Variants in CTCFL observed in about 807,000 individuals in gnomAD.
CTCFL encodes the protein CCCTC-binding factor like.
In CTCFL, 36 loss-of-function variants were observed where a neutral mutation model predicts 67.4. The observed-to-expected ratio is 0.53, with a 90% CI of 0.41 to 0.71. The LOEUF is 0.71. Ranked by LOEUF, CTCFL falls within the 30% of genes least tolerant of loss-of-function variation. CTCFL has a pLI of 0.00. For missense variants in CTCFL, 786 were observed against 835.2 expected, an observed-to-expected ratio of 0.94 and a Z score of 0.73; for synonymous variants, 324 against 302.3, an observed-to-expected ratio of 1.07 and a Z score of -0.75.
chr20:57,522,633 G>A (rs1030553537), intron 3 of CTCFL, among the ~76,000 whole-genome samples: 3 of 152,086 alleles, frequency 2.0e-5, no homozygotes, highest in Admixed American at 2.0e-4. Context: ...CATCTTAGTG[G>A]CTTCTTTGTC....
At position 57,508,939 on chromosome 20, in the gene CTCFL, G is replaced by A. The variant is rs553400354; in HGVS notation, c.1492-151C>T. On this transcript the variant is annotated intron_variant, in intron 8 of 10. Transcript: ENST00000243914. The stretch of plus-strand genomic sequence containing the variant: ...CTGCAAACACATTCTGAACAAGGCA[G>A]CATTCACTCTCAGTAAGTGGCCGCC... 8.8e-5 allele frequency: 65 copies of A among 739,862 alleles called. No homozygotes were observed. In the African/African-American group the frequency reaches 1.1e-3, roughly 13 times the overall value. The allele number at this position is 739,862 out of a possible 1,614,324, so 45.8% of individuals were successfully genotyped here. A position where few individuals can be genotyped will look rare whatever the true frequency, so the allele number is the denominator to read the frequency against.
chr20:57,518,606 A>G, intron 5 of CTCFL, 152 bp downstream of exon 5: 1 of 1,521,648 alleles, frequency 6.6e-7, no homozygotes, highest in Non-Finnish European at 8.9e-7. Flanking sequence ...TTAACTTCAT[A>G]AAAGAGAATG....
intron 8 of CTCFL, among the ~76,000 whole-genome samples, chr20:57,510,428 C>T (rs1327926594): frequency 2.0e-5 from 3 of 152,250 alleles, no homozygotes; most frequent in Middle Eastern, 3.4e-3. Context: ...ACAAAAATAA[C>T]CTAATGTCTG....
chr20:57,519,118 A>T, intron 4 of CTCFL, 89 bp downstream of exon 4: 1 of 1,373,702 alleles, frequency 7.3e-7, no homozygotes, highest in Non-Finnish European at 1.0e-6. Context: ...ATGTTACACG[A>T]TTCTACTGTA....
In CTCFL at chr20:57,516,000, C is replaced by A. The variant is rs527331704; in HGVS notation, c.1060-166G>T. Among the ~76,000 whole-genome samples the A allele has an allele frequency of 6.6e-5, 10 of 152,248 alleles. No homozygotes were observed. The East Asian group carries it at 1.9e-3, about 29-fold the overall frequency. On this transcript the variant is annotated intron_variant, in intron 5 of 10. Coordinates refer to ENST00000243914, the MANE Select transcript of CTCFL (RefSeq NM_001386993.1). The stretch of plus-strand genomic sequence containing the variant: ...ACATGAAAAAGTCATCACTTTTGAT[C>A]ATCTGTTATGGGTGATTTTATCTCA...
intron 6 of CTCFL, 72 bp from the exon 7 acceptor site, chr20:57,514,813 G>GTTTT: frequency 8.3e-7 from 1 of 1,201,388 alleles, no homozygotes; most frequent in Non-Finnish European, 1.1e-6. Flanking sequence ...TGCTGAAAGT[G>GTTTT]TTTTTTTTTT....
At chr20:57,513,776 G>A in intron 7 of CTCFL, 1 of 1,255,264 alleles carries the variant, frequency 8.0e-7, no homozygotes, top group Non-Finnish European at 1.0e-6. Context: ...GGGCAAAAGG[G>A]TCAAATTTTT....
chr20:57,513,202 T>C, intron 7 of CTCFL: 3 of 968,992 alleles, frequency 3.1e-6, no homozygotes, highest in Non-Finnish European at 3.7e-6. Context: ...GTTAAGGTGG[T>C]TTTATATAAA....
At position 57,524,118 on chromosome 20, in the gene CTCFL, C is replaced by T. The variant is rs754165693; in HGVS notation, c.88G>A (p.Glu30Lys). Residue 30 changes from glutamate (E) to lysine (K), a missense_variant, in exon 2 of 11, where the codon GAG becomes AAG. Physicochemically the swap from Glu to Lys is moderately conservative, Grantham distance 56. Coordinates refer to ENST00000243914, the MANE Select transcript of CTCFL (RefSeq NM_001386993.1). Reference protein sequence around the residue: ...ELMPEKGLKEEEKDGVCREKD... With the variant: ...ELMPEKGLKEKEKDGVCREKD... ...TCTCTGCACACTCCGTCTTTTTCCT[C>T]CTCCTTCAGGCCTTTTTCCGGCATC... 7.1e-5 allele frequency: 114 copies of T among 1,613,590 alleles called. No individual in the cohort carries two copies. The highest frequency in any genetic ancestry group is 8.3e-5 in the Non-Finnish European group (98 of 1,179,990).
rs2146347684 is a variant in CTCFL at position 57,510,972 on chromosome 20, A to G, written c.1491+1620T>C. On this transcript the variant is annotated intron_variant, in intron 8 of 10. Transcript: ENST00000243914. ...TGGTCTCACAGACATGTAGTTTGAA[A>G]AGAGAGCAACATTTTACTAGCTCTT... is the stretch of plus-strand genomic sequence containing the variant. Among the ~76,000 whole-genome samples the G allele has an allele frequency of 1.3e-5, 2 of 152,360 alleles. 1 individual carries two copies. Among genetic ancestry groups the G allele is most frequent in the South Asian group, 4.1e-4 (2 of 4,826 alleles).
At chr20:57,513,617 C>T in intron 7 of CTCFL, 1 of 1,159,778 alleles carries the variant, frequency 8.6e-7, no homozygotes, top group East Asian at 6.6e-5. Flanking sequence ...CCACCAAGCC[C>T]CACTGGACTG....
Position 57,516,931 on chromosome 20 carries a change from C to T in CTCFL, c.1060-1097G>A, listed in dbSNP as rs902374129. Among the ~76,000 whole-genome samples, 4 of 152,306 alleles carry T rather than the reference C, an allele frequency of 2.6e-5. 1 individual carries two copies. Among genetic ancestry groups the T allele is most frequent in the South Asian group, 4.1e-4 (2 of 4,828 alleles). On this transcript the variant is annotated intron_variant, in intron 5 of 10. Coordinates refer to ENST00000243914, the MANE Select transcript of CTCFL (RefSeq NM_001386993.1). ...GCAGGAAATGGGGGCATCAGCTACA[C>T]GTGGACTACAGACATCAGGAAGCTG...
At chr20:57,496,501 TTAGG>T (rs2067725904), downstream of CTCFL, 3 of 433,860 alleles carry the variant, frequency 6.9e-6, no homozygotes, top group Non-Finnish European at 1.2e-5. Context: ...AGTGGAATGA[TTAGG>T]TAGATTCACA....
chr20:57,499,345 C>T (rs975182621), intron 10 of CTCFL, among the ~76,000 whole-genome samples: 1 of 152,138 alleles, frequency 6.6e-6, no homozygotes, highest in African/African-American at 2.4e-5. Flanking sequence ...CTGGGGCCAG[C>T]GCCAGGCGTG....
At chr20:57,502,489 C>T (rs1185168824) in intron 10 of CTCFL, among the ~76,000 whole-genome samples, 1 of 152,106 alleles carries the variant, frequency 6.6e-6, no homozygotes, top group African/African-American at 2.4e-5. Flanking sequence ...AGGTGGAGGG[C>T]GACCGTCATC....
In CTCFL at chr20:57,521,353, A is replaced by G. The variant is rs140180833; in HGVS notation, c.754+1715T>C. Among the ~76,000 whole-genome samples, 1,467 of 152,340 alleles carry G rather than the reference A, an allele frequency of 9.6e-3. 98 individuals carry two copies. Among genetic ancestry groups the G allele is most frequent in the Admixed American group, 0.086 (1,323 of 15,296 alleles). On this transcript the variant is annotated intron_variant, in intron 3 of 10. Transcript: ENST00000243914. Reference sequence around the variant, plus strand: ...CATTAGAGAAATGGAAACCAAAACTACAACGAGATACCTCTTCACACCTGC... The same window carrying G: ...CATTAGAGAAATGGAAACCAAAACTGCAACGAGATACCTCTTCACACCTGC...
intron 7 of CTCFL, among the ~76,000 whole-genome samples, chr20:57,514,367 C>T (rs750137933): frequency 6.6e-6 from 1 of 152,280 alleles, no homozygotes; most frequent in Non-Finnish European, 1.5e-5. Context: ...CACGTGCATA[C>T]GGAACAGGCC....
chr20:57,523,414 AG>A (rs2069547769), intron 2 of CTCFL, 136 bp from the exon 3 acceptor site: 1 of 1,000,158 alleles, frequency 1.0e-6, no homozygotes, highest in Non-Finnish European at 1.4e-6. Context: ...ATTTCGCATC[AG>A]GGTTGTGGCA....
chr20:57,513,676 G>C, intron 7 of CTCFL: 1 of 1,188,810 alleles, frequency 8.4e-7, no homozygotes, highest in Non-Finnish European at 1.1e-6. Context: ...GAATGGTCCA[G>C]ATGAAAAATA....
Sources: gnomAD v4.1 joint callset for allele counts (sites outside exome capture counted in the v4.1 genomes callset) on GRCh38, gnomAD v4.1.1 for gene constraint, MANE v1.5 for transcripts, NCBI Gene and HGNC (gene_info 2026-07-23, HGNC 2026-07-21) for gene names.